CLVS1: variants seen among roughly 807,000 people sequenced by gnomAD.
The protein encoded by CLVS1 is clavesin-1.
CLVS1 carries 10 observed loss-of-function variants against 33.1 expected under a neutral mutation model. The observed-to-expected ratio is 0.30, with a 90% confidence interval of 0.19 to 0.51. The LOEUF (loss-of-function observed/expected upper bound fraction) is 0.51, where lower values mean the gene tolerates loss of function less well. CLVS1 is among the 20% of genes least tolerant of loss of function. CLVS1 has a pLI of 0.97. For synonymous variants in CLVS1, 163 were observed against 166.1 expected (o/e 0.98, Z 0.14); for missense variants, 343 against 433.4 (o/e 0.79, Z 1.85).
At chr8:61,265,921 G>A (rs1293490306) in intron 2 of CLVS1, among the ~76,000 whole-genome samples, 3 of 152,110 alleles carry the variant, frequency 2.0e-5, no homozygotes, top group Non-Finnish European at 4.4e-5. Context: ...AGATCTTCCT[G>A]TGTCTCCACA....
chr8:61,024,731 G>T, the CLVS1 span, among the ~76,000 whole-genome samples: 1 of 152,128 alleles, frequency 6.6e-6, no homozygotes, highest in Non-Finnish European at 1.5e-5. Flanking sequence ...AGTCCACTCT[G>T]CCATTAATAA....
chr8:61,235,687 C>T (rs182806736), intron 2 of CLVS1, among the ~76,000 whole-genome samples: 86 of 152,230 alleles, frequency 5.6e-4, no homozygotes, highest in Non-Finnish European at 1.0e-3. Flanking sequence ...GGAAGGAAGT[C>T]TGCATTTGTA....
At chr8:60,973,441 T>C in the CLVS1 span, among the ~76,000 whole-genome samples, 3 of 152,210 alleles carry the variant, frequency 2.0e-5, no homozygotes, top group Non-Finnish European at 2.9e-5. Context: ...GAGTTACTGG[T>C]GGCTAATCTG....
intron 3 of CLVS1, among the ~76,000 whole-genome samples, chr8:61,423,814 A>T (rs1257952982): frequency 1.3e-5 from 2 of 152,198 alleles, no homozygotes; most frequent in Non-Finnish European, 2.9e-5. Context: ...CTCAGGTATG[A>T]ATGGACTGAA....
rs560658720 is a variant in CLVS1 at position 61,455,503 on chromosome 8, T to C, written c.741+1252T>C. 2.0e-5 allele frequency among the ~76,000 whole-genome samples: 3 copies of C among 152,344 alleles called. No homozygotes were observed. In the East Asian group the frequency reaches 5.8e-4, roughly 29 times the overall value. On this transcript the variant is annotated intron_variant, in intron 4 of 5. Coordinates refer to ENST00000325897, the MANE Select transcript of CLVS1 (RefSeq NM_173519.3). ...CTTATTTTTGTTAATATAATTGTTC[T>C]TTAGGTTCATCCACATTGTTGAAAA...
At chr8:61,304,156 T>C (rs983105173) in intron 2 of CLVS1, among the ~76,000 whole-genome samples, 2 of 152,248 alleles carry the variant, frequency 1.3e-5, no homozygotes, top group Admixed American at 1.3e-4. Flanking sequence ...GGGAAGTCAT[T>C]TGAATATCTC....
At chr8:61,342,138 T>A (rs138258752) in intron 2 of CLVS1, among the ~76,000 whole-genome samples, 80 of 152,302 alleles carry the variant, frequency 5.3e-4, no homozygotes, top group Non-Finnish European at 1.1e-3. Flanking sequence ...TTCTCTCTTC[T>A]TTGAAGTGTC....
intron 1 of CLVS1, among the ~76,000 whole-genome samples, chr8:61,112,304 G>A (rs758638567): frequency 7.2e-5 from 11 of 151,784 alleles, no homozygotes; most frequent in Non-Finnish European, 1.3e-4. Flanking sequence ...CTTGATCATG[G>A]TGTATTAGTC....
chr8:60,987,146 C>T, the CLVS1 span, among the ~76,000 whole-genome samples: 6 of 152,130 alleles, frequency 3.9e-5, no homozygotes, highest in Non-Finnish European at 5.9e-5. Flanking sequence ...ACGTGATGAG[C>T]GCTGTGATAG....
chr8:61,251,843 G>T (rs1413183784), intron 2 of CLVS1, among the ~76,000 whole-genome samples: 1 of 151,866 alleles, frequency 6.6e-6, no homozygotes, highest in Non-Finnish European at 1.5e-5. Context: ...TATCTATTTT[G>T]TTGATCTTTT....
intron 2 of CLVS1, among the ~76,000 whole-genome samples, chr8:61,246,167 CTTTTTTTTTTT>C (rs1188366643): frequency 1.3e-3 from 110 of 82,232 alleles, no homozygotes; most frequent in Admixed American, 3.1e-3. Context: ...TCCTTCCCAA[CTTTTTTTTTTT>C]TTTTTTTTTT....
At chr8:61,173,970 T>G (rs1807061003) in intron 2 of CLVS1, among the ~76,000 whole-genome samples, 1 of 152,192 alleles carries the variant, frequency 6.6e-6, no homozygotes. Flanking sequence ...GGGGCATTGG[T>G]TAGAGTGCTG....
intron 2 of CLVS1, among the ~76,000 whole-genome samples, chr8:61,282,714 T>C (rs781166192): frequency 3.9e-5 from 6 of 152,256 alleles, no homozygotes; most frequent in Non-Finnish European, 8.8e-5. Flanking sequence ...TAATAAGTTT[T>C]AGCTATTATT....
chr8:61,261,084 A>G (rs900343606), intron 2 of CLVS1, among the ~76,000 whole-genome samples: 2 of 152,182 alleles, frequency 1.3e-5, no homozygotes, highest in Non-Finnish European at 2.9e-5. Context: ...TTTACCTGTC[A>G]TCAAAGAATC....
chr8:61,392,756 A>G (rs1814356476), intron 3 of CLVS1, among the ~76,000 whole-genome samples: 1 of 150,686 alleles, frequency 6.6e-6, no homozygotes, highest in South Asian at 2.1e-4. Flanking sequence ...GCTACTCAGG[A>G]GCCTGAGGCA....
In CLVS1 at chr8:61,246,832, C is replaced by G. The variant is rs151070124; in HGVS notation, c.-151-52845C>G. Among the ~76,000 whole-genome samples, 1,173 of 151,970 alleles carry G rather than the reference C, an allele frequency of 7.7e-3. 15 individuals carry two copies. The highest frequency in any genetic ancestry group is 0.026 in the African/African-American group (1,097 of 41,428). ...TAAAAAAATTTATTTTAGGTTTGGG[C>G]GTACCTGTGAAAGTTTGTTACATAG... is the stretch of plus-strand genomic sequence containing the variant. On this transcript the variant is annotated intron_variant, in intron 2 of 2. Transcript: ENST00000522621.
At position 61,311,802 on chromosome 8, in the gene CLVS1, T is replaced by C. The variant is rs73682219; in HGVS notation, c.455+11520T>C. ...AGTCCAAGGGCCTAAGAATAACTTC[T>C]TCCTTCTCAAAGCAAGTCCCAGTGA... On this transcript the variant is annotated intron_variant, in intron 2 of 5. Coordinates refer to ENST00000325897, the MANE Select transcript of CLVS1 (RefSeq NM_173519.3). Among the ~76,000 whole-genome samples, 1,358 of 152,334 alleles carry C rather than the reference T, an allele frequency of 8.9e-3. 8 individuals carry two copies. Among genetic ancestry groups the C allele is most frequent in the African/African-American group, 0.029 (1,223 of 41,582 alleles).
rs1010888908 is a variant in CLVS1 at position 61,478,283 on chromosome 8, T to G, written c.977+19741T>G. The stretch of plus-strand genomic sequence containing the variant: ...AGGTGTGGTGTGGTGCTGAGAAGAA[T>G]GTATATTCTGTTGATTTGGGGTGGA... On this transcript the variant is annotated intron_variant, in intron 5 of 5. Coordinates refer to ENST00000325897, the MANE Select transcript of CLVS1 (RefSeq NM_173519.3). 4.6e-5 allele frequency among the ~76,000 whole-genome samples: 7 copies of G among 152,214 alleles called. No homozygotes were observed. In the South Asian group the frequency reaches 1.2e-3, roughly 27 times the overall value.
At chr8:61,132,281 T>C (rs958469279) in intron 2 of CLVS1, among the ~76,000 whole-genome samples, 14 of 152,246 alleles carry the variant, frequency 9.2e-5, no homozygotes, top group Non-Finnish European at 1.5e-4. Context: ...CGGGATCAGC[T>C]GCTGGTGGTG....
Sources: allele counts gnomAD v4.1 joint callset (sites outside exome capture counted in the v4.1 genomes callset), GRCh38; gene constraint gnomAD v4.1.1; transcripts MANE v1.5; gene names NCBI Gene and HGNC (gene_info 2026-07-23, HGNC 2026-07-21).